The following POTEH variants were observed in gnomAD, a reference collection of about 807,000 sequenced individuals.
The protein encoded by POTEH is ANKRD26-like family C member 3.
Under a neutral mutation model 41.7 loss-of-function variants are expected in POTEH, and 6 were observed. The observed-to-expected ratio is 0.14, with a 90% CI of 0.08 to 0.28. The LOEUF (loss-of-function observed/expected upper bound fraction) is 0.28, where lower values mean the gene tolerates loss of function less well. Ranked by LOEUF, POTEH falls within the 10% of genes least tolerant of loss-of-function variation. POTEH has a pLI of 1.00. For synonymous variants in POTEH, 38 were observed against 179.9 expected, an observed-to-expected ratio of 0.21 and a Z score of 6.31; for missense variants, 115 against 533.5, an observed-to-expected ratio of 0.22 and a Z score of 7.73.
At chr22:15,692,134 A>G (rs1429145866) in intron 1 of POTEH, among the ~76,000 whole-genome samples, 2 of 129,616 alleles carry the variant, frequency 1.5e-5, no homozygotes, top group Admixed American at 8.1e-5. Context: ...CCTACTGAGT[A>G]GCTGGGATTA....
intron 1 of POTEH, among the ~76,000 whole-genome samples, chr22:15,691,525 CAA>C (rs1173004751): frequency 0.15 from 12,929 of 84,754 alleles, 415 homozygotes; most frequent in East Asian, 0.22. Flanking sequence ...GACTCCGTCT[CAA>C]AAAAAAAAAA....
chr22:15,691,401 C>T (rs1413719751), intron 1 of POTEH, among the ~76,000 whole-genome samples: 1 of 126,538 alleles, frequency 7.9e-6, no homozygotes, highest in African/African-American at 2.8e-5. Context: ...TGGCAGGCAC[C>T]TGTAGTCCCA....
At chr22:15,699,477 G>A (rs2123831254) in intron 4 of POTEH, 1 of 191,118 alleles carries the variant, frequency 5.2e-6, no homozygotes, top group East Asian at 1.7e-4. Flanking sequence ...TTTCTTACTT[G>A]CTAGGTGTGT....
intron 9 of POTEH, among the ~76,000 whole-genome samples, chr22:15,714,614 CT>C (rs1185594870): frequency 4.0e-5 from 6 of 151,872 alleles, no homozygotes; most frequent in African/African-American, 1.5e-4. Flanking sequence ...GTTTCCATTA[CT>C]TCAGTTTTTT....
At chr22:15,714,027 T>G (rs1230498688) in intron 9 of POTEH, among the ~76,000 whole-genome samples, 1 of 152,114 alleles carries the variant, frequency 6.6e-6, no homozygotes, top group Admixed American at 6.5e-5. Context: ...CTACACCTCA[T>G]GTAGTCTTTC....
At position 15,690,250 on chromosome 22, in the gene POTEH, G is replaced by A. The variant is rs1381046225; in HGVS notation, c.173G>A (p.Arg58Lys). ...GACGATTCTGCTATGAAGACACTCA[G>A]GAGCAAGATGGGCAAGTGGTGCTGC... ...DHDDSAMKTL[R>K]SKMGKWCCHC... Residue 58 changes from arginine (R) to lysine (K), a missense_variant, in exon 1 of 11, where the codon AGG (arginine) becomes AAG (lysine). Arg to Lys is a conservative substitution (Grantham distance 26, BLOSUM62 2). Coordinates refer to ENST00000343518, the MANE Select transcript of POTEH (RefSeq NM_001136213.1). 7.1e-7 allele frequency: 1 copy of A among 1,411,856 alleles called. No individual in the cohort carries two copies. The highest frequency in any genetic ancestry group is 2.3e-5 in the East Asian group (1 of 43,382). The allele number at this position is 1,411,856 out of a possible 1,614,324, so 87.5% of individuals were successfully genotyped here. A position where few individuals can be genotyped will look rare whatever the true frequency, so the allele number is the denominator to read the frequency against.
At chr22:15,697,932 C>G (rs1601496256) in intron 3 of POTEH, among the ~76,000 whole-genome samples, 4 of 149,392 alleles carry the variant, frequency 2.7e-5, no homozygotes, top group African/African-American at 9.9e-5. Context: ...AAATTCTAAA[C>G]TGTTTTTTAT....
At chr22:15,706,060 GC>G (rs1989665623) in intron 6 of POTEH, among the ~76,000 whole-genome samples, 1 of 152,306 alleles carries the variant, frequency 6.6e-6, no homozygotes, top group Non-Finnish European at 1.5e-5. Context: ...GTCCTAGAGT[GC>G]CCTGCTTGGC....
At chr22:15,714,257 C>T (rs1266944326) in intron 9 of POTEH, among the ~76,000 whole-genome samples, 1 of 152,250 alleles carries the variant, frequency 6.6e-6, no homozygotes, top group South Asian at 2.1e-4. Context: ...ATTGATAGTC[C>T]TGGTTTTTAA....
chr22:15,713,782 G>A (rs1458722088), intron 9 of POTEH, among the ~76,000 whole-genome samples: 1 of 152,308 alleles, frequency 6.6e-6, no homozygotes, highest in Non-Finnish European at 1.5e-5. Context: ...TTACAGGCAT[G>A]AGCCACAGTG....
intron 6 of POTEH, among the ~76,000 whole-genome samples, chr22:15,705,679 AG>A (rs1262256109): frequency 6.6e-6 from 1 of 151,246 alleles, no homozygotes; most frequent in African/African-American, 2.4e-5. Flanking sequence ...AGAAGAGCAA[AG>A]AACAGCAGGT....
At position 15,691,589 on chromosome 22, in the gene POTEH, A is replaced by G. The variant is rs1989313132; in HGVS notation, c.632+880A>G. 4.8e-5 allele frequency among the ~76,000 whole-genome samples: 7 copies of G among 144,820 alleles called. No individual in the cohort carries two copies. In the South Asian group the frequency reaches 1.1e-3, roughly 23 times the overall value. On this transcript the variant is annotated intron_variant, in intron 1 of 10. Transcript: ENST00000343518. Reference sequence around the variant, plus strand: ...TCACTTTTACTTAAGCCAAATAAAAATAGCAGTTTTAGAGTTTTTAAATTA... The same window carrying G: ...TCACTTTTACTTAAGCCAAATAAAAGTAGCAGTTTTAGAGTTTTTAAATTA...
intron 6 of POTEH, among the ~76,000 whole-genome samples, chr22:15,705,994 C>T (rs4819440): frequency 6.8e-6 from 1 of 147,488 alleles, no homozygotes; most frequent in East Asian, 2.0e-4. Flanking sequence ...CTGTGTGAGT[C>T]ACAGCTGCCA....
At chr22:15,691,369 A>T (rs867875161) in intron 1 of POTEH, among the ~76,000 whole-genome samples, 1,212 of 108,242 alleles carry the variant, frequency 0.011, 1 homozygote, top group Middle Eastern at 0.017. Flanking sequence ...TAAAAAATAT[A>T]AAAAAAATTA....
intron 9 of POTEH, among the ~76,000 whole-genome samples, chr22:15,713,401 C>G (rs1412025464): frequency 6.6e-6 from 1 of 152,310 alleles, no homozygotes; most frequent in Non-Finnish European, 1.5e-5. Flanking sequence ...TCCTGCCTTT[C>G]TAGTCCATTC....
chr22:15,697,881 G>A (rs1296079066), intron 3 of POTEH, among the ~76,000 whole-genome samples: 1 of 149,456 alleles, frequency 6.7e-6, no homozygotes, highest in Admixed American at 6.7e-5. Flanking sequence ...GCTTAGGTCA[G>A]TAAGTCATTA....
chr22:15,691,651 T>A (rs1989314847), intron 1 of POTEH, among the ~76,000 whole-genome samples: 1 of 146,450 alleles, frequency 6.8e-6, no homozygotes, highest in African/African-American at 2.5e-5. Flanking sequence ...AAGTTAATTT[T>A]TTTGTAGCAG....
chr22:15,691,672 G>T (rs1852025350), intron 1 of POTEH, among the ~76,000 whole-genome samples: 1 of 145,586 alleles, frequency 6.9e-6, no homozygotes, highest in Admixed American at 7.1e-5. Flanking sequence ...AATGGACAAA[G>T]GCTTGCTTTT....
At position 15,690,518 on chromosome 22, in the gene POTEH, G is replaced by C; in HGVS notation, c.441G>C (p.Arg147Ser). 2 of 1,414,572 alleles carry C rather than the reference G, an allele frequency of 1.4e-6. 1 individual carries two copies. Among genetic ancestry groups the C allele is most frequent in the Middle Eastern group, 3.7e-4 (2 of 5,464 alleles). 87.6% of individuals were successfully genotyped at this position (1,414,572 alleles called of 1,614,324 possible). ...GCTGCCACTGCTTCCCCTGCTGCAG[G>C]GGGAGCGGCAAGAACAAAGTGGGCC... ...KWCCHCFPCCRGSGKNKVGPW... is the reference protein window; with the variant it reads ...KWCCHCFPCCSGSGKNKVGPW... The change falls in exon 1 of 11, where the codon AGG (arginine) becomes AGC (serine). Residue 147 changes from arginine to serine, a missense_variant. By Grantham distance (110) the Arg-to-Ser change is moderately radical. Coordinates refer to ENST00000343518, the MANE Select transcript of POTEH (RefSeq NM_001136213.1).
Sources: gnomAD v4.1 joint callset for allele counts (sites outside exome capture counted in the v4.1 genomes callset) on GRCh38, gnomAD v4.1.1 for gene constraint, MANE v1.5 for transcripts, NCBI Gene and HGNC (gene_info 2026-07-23, HGNC 2026-07-21) for gene names.